Variants in COL23A1 observed in about 807,000 individuals in gnomAD.
COL23A1 encodes the protein collagen alpha-1(XXIII) chain.
A neutral mutation model predicts 99.3 loss-of-function variants in COL23A1; 97 were observed. The ratio of observed to expected loss-of-function variants is 0.98; its 90% CI spans 0.83 to 1.16. COL23A1 has a LOEUF of 1.16. Ranked by LOEUF, COL23A1 falls within the 50% of genes most tolerant of loss-of-function variation. The pLI, the probability that COL23A1 is intolerant of heterozygous loss-of-function variation, is 0.00. For missense variants in COL23A1, 762 were observed against 757.4 expected (o/e 1.01, Z -0.07); for synonymous variants, 320 against 308.2 (o/e 1.04, Z -0.40).
chr5:178,478,998 CA>C (rs1757179181), intron 2 of COL23A1, among the ~76,000 whole-genome samples: 1 of 152,068 alleles, frequency 6.6e-6, no homozygotes. Flanking sequence ...GTTTTCTTGT[CA>C]CCCTGGCTTC....
At chr5:178,375,100 G>A (rs1052780084) in intron 2 of COL23A1, among the ~76,000 whole-genome samples, 5 of 152,220 alleles carry the variant, frequency 3.3e-5, no homozygotes, top group African/African-American at 1.2e-4. Context: ...ATCGAAAGCT[G>A]CAACATGCTA....
intron 27 of COL23A1, among the ~76,000 whole-genome samples, chr5:178,241,779 A>C (rs1489010245): frequency 6.6e-6 from 1 of 152,192 alleles, no homozygotes; most frequent in Non-Finnish European, 1.5e-5. Flanking sequence ...CTGGGGGTGA[A>C]GAATGAGGGG....
intron 1 of COL23A1, chr5:178,561,899 C>T (rs1355207080): frequency 3.1e-6 from 1 of 319,518 alleles, no homozygotes; most frequent in Non-Finnish European, 6.2e-6. Context: ...GGAGACTTCA[C>T]CAGGGCACCT....
rs956772605 is a variant in COL23A1, at chr5:178,313,133, G to T, written c.362-6214C>A. On this transcript the variant is annotated intron_variant, in intron 2 of 28. Transcript: ENST00000390654. This position sits in a 1 kb window ranked among gnomAD's most constrained non-coding sequence, Gnocchi z 4.2. ...AAGGATTCCACTTCTGGAGGCTCCT[G>T]CAGTCGCCAGATTCACAGGGGCAGA... Among the ~76,000 whole-genome samples the T allele has an allele frequency of 1.1e-4, 17 of 152,184 alleles. No individual in the cohort carries two copies. The highest frequency in any genetic ancestry group is 4.1e-4 in the African/African-American group (17 of 41,446).
At chr5:178,267,212 CGGGGAGCTG>C in intron 8 of COL23A1, 86 bp downstream of exon 8, 1 of 1,346,438 alleles carries the variant, frequency 7.4e-7, no homozygotes, top group Admixed American at 1.8e-5. Flanking sequence ...TGATGAGCTG[CGGGGAGCTG>C]GGACCCAGAA....
chr5:178,346,289 A>G (rs1423543199), intron 2 of COL23A1, among the ~76,000 whole-genome samples: 1 of 151,986 alleles, frequency 6.6e-6, no homozygotes, highest in East Asian at 1.9e-4. Flanking sequence ...GCTGGAGTGC[A>G]TTGGTGCGAT....
chr5:178,283,132 C>T (rs550968010), intron 5 of COL23A1, among the ~76,000 whole-genome samples: 4 of 152,222 alleles, frequency 2.6e-5, no homozygotes, highest in Admixed American at 6.5e-5. Context: ...GTGATCCATC[C>T]GCCTTGGCCT....
chr5:178,298,552 G>T (rs899473247), intron 3 of COL23A1, among the ~76,000 whole-genome samples: 3 of 152,150 alleles, frequency 2.0e-5, no homozygotes, highest in Non-Finnish European at 2.9e-5. Flanking sequence ...CCTGCTCACA[G>T]CCCCACACCT....
intron 1 of COL23A1, chr5:178,562,250 A>AC: frequency 6.7e-6 from 1 of 149,324 alleles, no homozygotes; most frequent in Non-Finnish European, 1.4e-5. Context: ...TCAAAAAAAG[A>AC]AAAAAAAAAA....
Position 178,415,436 on chromosome 5 carries a change from G to A in COL23A1, c.362-108517C>T, listed in dbSNP as rs1231348105. Reference sequence around the variant, plus strand: ...CACAGGCTGTGGCCTCTTTCTCCCCGGGCCCGGGCCCTGGAGCACGGCTCA... The same window carrying A: ...CACAGGCTGTGGCCTCTTTCTCCCCAGGCCCGGGCCCTGGAGCACGGCTCA... On this transcript the variant is annotated intron_variant, in intron 2 of 28. Coordinates refer to ENST00000390654, the MANE Select transcript of COL23A1 (RefSeq NM_173465.4). This position sits in a 1 kb window ranked among gnomAD's most constrained non-coding sequence, Gnocchi z 4.6. Among the ~76,000 whole-genome samples, 2 of 152,036 alleles carry A rather than the reference G, an allele frequency of 1.3e-5. No individual in the cohort carries two copies. Among genetic ancestry groups the A allele is most frequent in the Non-Finnish European group, 2.9e-5 (2 of 67,988 alleles).
At chr5:178,289,530 G>C (rs1379366526) in intron 4 of COL23A1, among the ~76,000 whole-genome samples, 1 of 152,192 alleles carries the variant, frequency 6.6e-6, no homozygotes. Context: ...CACCAGCCAG[G>C]TGTGCTCACA....
intron 2 of COL23A1, among the ~76,000 whole-genome samples, chr5:178,498,155 T>C (rs901128352): frequency 1.4e-5 from 2 of 140,218 alleles, no homozygotes; most frequent in African/African-American, 5.2e-5. Context: ...CATTTGAGCT[T>C]AGGAGTTCGA....
At chr5:178,567,573 T>C (rs1187062535) in intron 1 of COL23A1, among the ~76,000 whole-genome samples, 4 of 152,090 alleles carry the variant, frequency 2.6e-5, no homozygotes, top group Non-Finnish European at 5.9e-5. Context: ...TGAAACCCTG[T>C]CTCTATTAAA....
At chr5:178,304,485 G>C (rs1292057178) in intron 3 of COL23A1, among the ~76,000 whole-genome samples, 1 of 125,330 alleles carries the variant, frequency 8.0e-6, no homozygotes, top group Non-Finnish European at 1.6e-5. Flanking sequence ...ACTCCAGCCT[G>C]AGTGACAGAG....
intron 2 of COL23A1, among the ~76,000 whole-genome samples, chr5:178,551,971 C>T (rs376210880): frequency 2.8e-4 from 42 of 152,284 alleles, no homozygotes; most frequent in Middle Eastern, 3.4e-3. Flanking sequence ...TCGGAGCTCC[C>T]CTCTGCCTCC....
chr5:178,353,580 T>C (rs1241828574), intron 2 of COL23A1, among the ~76,000 whole-genome samples: 2 of 152,212 alleles, frequency 1.3e-5, no homozygotes, highest in South Asian at 4.1e-4. Context: ...CAAGTCACCT[T>C]TAGTCATAGA....
At chr5:178,270,507 C>A in intron 5 of COL23A1, 144 bp from the exon 6 acceptor site, 1 of 932,628 alleles carries the variant, frequency 1.1e-6, no homozygotes, top group Non-Finnish European at 1.7e-6. Context: ...TGGCCTGGGG[C>A]TGAGGGAGGG....
At chr5:178,294,500 G>GAGCTCCCTCCCAAATCACTACCC (rs1757639773) in intron 3 of COL23A1, among the ~76,000 whole-genome samples, 1 of 130,984 alleles carries the variant, frequency 7.6e-6, no homozygotes, top group African/African-American at 2.9e-5. Context: ...AATCACTACC[G>GAGCTCCCTCCCAAATCACTACCC]AGCTCCCTCC....
intron 2 of COL23A1, among the ~76,000 whole-genome samples, chr5:178,523,103 C>A: frequency 6.8e-6 from 1 of 147,742 alleles, no homozygotes; most frequent in Non-Finnish European, 1.5e-5. Context: ...GAGTTCAAGA[C>A]CAGCCTGACC....
Sources: gnomAD v4.1 joint callset for allele counts (sites outside exome capture counted in the v4.1 genomes callset) on GRCh38, gnomAD v4.1.1 for gene constraint, Gnocchi (gnomAD v3.1) non-coding constraint, MANE v1.5 for transcripts, NCBI Gene and HGNC (gene_info 2026-07-23, HGNC 2026-07-21) for gene names.